CCDC174: variants seen among roughly 807,000 people sequenced by gnomAD.
The protein encoded by CCDC174 is coiled-coil domain containing 174.
In CCDC174, 37 loss-of-function variants were observed where a neutral mutation model predicts 57.1. The ratio of observed to expected loss-of-function variants is 0.65; its 90% CI spans 0.50 to 0.85. The LOEUF is 0.85. Among genes scored for constraint, CCDC174 ranks in the 40% least tolerant of loss-of-function variants. The pLI, the probability that CCDC174 is intolerant of heterozygous loss-of-function variation, is 0.00. For synonymous variants in CCDC174, 182 were observed against 190.2 expected (o/e 0.96, Z 0.35); for missense variants, 540 against 574.3 (o/e 0.94, Z 0.61).
At chr3:14,657,432 T>G (rs757354997) in intron 3 of CCDC174, among the ~76,000 whole-genome samples, 1 of 152,256 alleles carries the variant, frequency 6.6e-6, no homozygotes, top group Non-Finnish European at 1.5e-5. Flanking sequence ...TTGCAGGCAG[T>G]GTCCCTGCTC....
intron 5 of CCDC174, among the ~76,000 whole-genome samples, chr3:14,664,013 C>A (rs1220966317): frequency 1.3e-5 from 2 of 152,066 alleles, no homozygotes; most frequent in African/African-American, 2.4e-5. Context: ...ATTACACAGA[C>A]CATCTGGCTA....
Position 14,655,958 on chromosome 3 carries a change from C to G in CCDC174, c.248+329C>G, listed in dbSNP as rs541543932. Among the ~76,000 whole-genome samples, 5 of 152,262 alleles carry G rather than the reference C, an allele frequency of 3.3e-5. No homozygotes were observed. The East Asian group carries it at 7.7e-4, about 24-fold the overall frequency. ...ATTTAGAAACCCTAAACTTCCCCCC[C>G]ACCTTTTATTTTGAAAAACTTCAAG... is the stretch of plus-strand genomic sequence containing the variant. On this transcript the variant is annotated intron_variant, in intron 3 of 10. Transcript: ENST00000383794.
In CCDC174 at chr3:14,661,649, G is replaced by A. The variant is rs187313760; in HGVS notation, c.427G>A (p.Asp143Asn). ...TCAAAAGGCAGGAGAAAGGGACGAC[G>A]ATGAGGAAAACCTTCCTGAGGGAGA... is the stretch of plus-strand genomic sequence containing the variant. ...DSQKAGERDD[D>N]EENLPEGEIP... Residue 143 changes from aspartate to asparagine, a missense_variant, in exon 5 of 11, where the codon GAT becomes AAT. Transcript: ENST00000383794. 1.8e-5 allele frequency: 29 copies of A among 1,614,206 alleles called. No homozygotes were observed. The highest frequency in any genetic ancestry group is 3.3e-5 in the South Asian group (3 of 91,088).
intron 3 of CCDC174, 45 bp from the exon 4 acceptor site, chr3:14,658,826 A>G: frequency 1.3e-6 from 2 of 1,524,452 alleles, no homozygotes; most frequent in Non-Finnish European, 1.8e-6. Flanking sequence ...ACCAGGATGA[A>G]CAGTTATAAG....
rs542904267 is a variant in CCDC174, at chr3:14,656,868, A to G, written c.248+1239A>G. ...TTTCAATGTTTGGCATGACTGCTAC[A>G]TGTGCTTTTGGATATATGGAATAAT... is the stretch of plus-strand genomic sequence containing the variant. On this transcript the variant is annotated intron_variant, in intron 3 of 10. Transcript: ENST00000383794. Among the ~76,000 whole-genome samples, 151 of 152,298 alleles carry G rather than the reference A, an allele frequency of 9.9e-4. No individual in the cohort carries two copies. In the Middle Eastern group the frequency reaches 0.024, roughly 24 times the overall value.
intron 1 of CCDC174, among the ~76,000 whole-genome samples, chr3:14,652,867 A>C (rs948443664): frequency 7.6e-6 from 1 of 131,190 alleles, no homozygotes. Flanking sequence ...GCGCAATTGC[A>C]CTCCAACCTG....
chr3:14,667,647 T>C (rs1425377529), intron 8 of CCDC174, 129 bp downstream of exon 8: 8 of 703,808 alleles, frequency 1.1e-5, no homozygotes, highest in Non-Finnish European at 1.9e-5. Context: ...ATAAAGGTAG[T>C]TGCCATACTA....
At chr3:14,666,214 T>G (rs1375240514) in intron 6 of CCDC174, among the ~76,000 whole-genome samples, 1 of 152,144 alleles carries the variant, frequency 6.6e-6, no homozygotes, top group Non-Finnish European at 1.5e-5. Flanking sequence ...CCTCCCTGCC[T>G]GGGCCACCTC....
Position 14,671,360 on chromosome 3 carries a change from G to T in CCDC174, c.*166G>T. 1 of 664,534 alleles carries T rather than the reference G, an allele frequency of 1.5e-6. No individual in the cohort carries two copies. The highest frequency in any genetic ancestry group is 2.5e-6 in the Non-Finnish European group (1 of 399,150). 41.2% of individuals were successfully genotyped at this position (664,534 alleles called of 1,614,324 possible). ...AAGGAGGAAAGTTATGGAAACTTTG[G>T]CCACTTGGCTGTTCATTTTATTCTA... On this transcript the variant is annotated 3_prime_UTR_variant, in exon 11 of 11. Coordinates refer to ENST00000383794, the MANE Select transcript of CCDC174 (RefSeq NM_016474.5).
intron 1 of CCDC174, 95 bp downstream of exon 1, chr3:14,651,973 C>T (rs573513929): frequency 2.5e-5 from 31 of 1,233,622 alleles, no homozygotes; most frequent in Middle Eastern, 1.9e-4. Context: ...CACTCGGGGA[C>T]CCAGAGACCT....
At chr3:14,665,244 T>TTGAC (rs1366918329) in intron 6 of CCDC174, 121 bp downstream of exon 6, 4 of 663,860 alleles carry the variant, frequency 6.0e-6, no homozygotes. Context: ...GAGATATTGA[T>TTGAC]TGATTGATTG....
chr3:14,667,248 G>C, intron 7 of CCDC174, 176 bp from the exon 8 acceptor site: 1 of 644,634 alleles, frequency 1.6e-6, no homozygotes. Context: ...CGAAAACTTG[G>C]TCTAACTTTT....
intron 1 of CCDC174, among the ~76,000 whole-genome samples, chr3:14,652,596 C>G (rs948498138): frequency 1.3e-5 from 2 of 152,164 alleles, no homozygotes; most frequent in Non-Finnish European, 2.9e-5. Flanking sequence ...CTTTCCCCAG[C>G]TTACAGACAG....
chr3:14,670,780 C>G, intron 10 of CCDC174, 116 bp from the exon 11 acceptor site: 4 of 889,382 alleles, frequency 4.5e-6, no homozygotes, highest in Middle Eastern at 2.7e-4. Context: ...CATTCTTATT[C>G]TTTGGATAAT....
intron 3 of CCDC174, among the ~76,000 whole-genome samples, chr3:14,657,342 A>G (rs1300594528): frequency 6.6e-6 from 1 of 152,186 alleles, no homozygotes; most frequent in Non-Finnish European, 1.5e-5. Flanking sequence ...TTCTTTATCT[A>G]TGAAGTGAGG....
Position 14,656,079 on chromosome 3 carries a change from G to A in CCDC174, c.248+450G>A, listed in dbSNP as rs79850529. Among the ~76,000 whole-genome samples the A allele has an allele frequency of 1.5e-3, 225 of 152,158 alleles. 3 individuals are homozygous for A. The East Asian group carries it at 0.04, about 27-fold the overall frequency. ...CTCTCTCTCTTACACACACACACGC[G>A]TGTGTAGAGAGACTTTAAGCTTCAT... On this transcript the variant is annotated intron_variant, in intron 3 of 10. Coordinates refer to ENST00000383794, the MANE Select transcript of CCDC174 (RefSeq NM_016474.5).
chr3:14,661,532 G>A lies in CCDC174; in HGVS notation c.310G>A (p.Glu104Lys). 1 of 1,593,166 alleles carries A rather than the reference G, an allele frequency of 6.3e-7. No individual in the cohort carries two copies. Among genetic ancestry groups the A allele is most frequent in the Non-Finnish European group, 8.5e-7 (1 of 1,173,076 alleles). The change falls in exon 5 of 11, where the codon GAA becomes AAA. Residue 104 changes from glutamate (E) to lysine (K), a missense_variant and splice_region_variant. Coordinates refer to ENST00000383794, the MANE Select transcript of CCDC174 (RefSeq NM_016474.5). ...EKMTKGDFIDEEVEDMYLVDF... is the reference protein window; with the variant it reads ...EKMTKGDFIDKEVEDMYLVDF... ...GAAAACTGATTTTTATGTCCTAGAT[G>A]AAGAAGTAGAGGATATGTACCTTGT...
intron 1 of CCDC174, among the ~76,000 whole-genome samples, chr3:14,652,406 G>A (rs1444132801): frequency 6.6e-6 from 1 of 152,180 alleles, no homozygotes; most frequent in African/African-American, 2.4e-5. Flanking sequence ...GGTCTGAAAG[G>A]ATGTAAGCAG....
intron 6 of CCDC174, among the ~76,000 whole-genome samples, chr3:14,665,669 A>C (rs2031309356): frequency 6.6e-6 from 1 of 152,144 alleles, no homozygotes; most frequent in African/African-American, 2.4e-5. Context: ...GTGTTGGGAG[A>C]AACTCCACCT....
Sources: gnomAD v4.1 joint callset for allele counts (sites outside exome capture counted in the v4.1 genomes callset) on GRCh38, gnomAD v4.1.1 for gene constraint, MANE v1.5 for transcripts, NCBI Gene and HGNC (gene_info 2026-07-23, HGNC 2026-07-21) for gene names.